The following AFAP1L2 variants were observed in gnomAD, a reference collection of about 807,000 sequenced individuals.
AFAP1L2 encodes actin filament associated protein 1 like 2, also known as actin filament-associated protein 1-like 2.
A neutral mutation model predicts 99.3 loss-of-function variants in AFAP1L2; 46 were observed. The observed-to-expected ratio is 0.46, with a 90% CI of 0.37 to 0.59. AFAP1L2 has a LOEUF of 0.59. AFAP1L2 is among the 20% of genes least tolerant of loss of function. The pLI, the probability that AFAP1L2 is intolerant of heterozygous loss-of-function variation, is 0.00. For missense variants in AFAP1L2, 959 were observed against 1,034.9 expected, an observed-to-expected ratio of 0.93 and a Z score of 1.01; for synonymous variants, 397 against 419.1, an observed-to-expected ratio of 0.95 and a Z score of 0.64.
downstream of AFAP1L2, among the ~76,000 whole-genome samples, chr10:114,293,331 ATG>A (rs2133783519): frequency 6.6e-6 from 1 of 152,326 alleles, no homozygotes; most frequent in South Asian, 2.1e-4. Context: ...CAGTTTAACC[ATG>A]TTATAATGTA....
intron 4 of AFAP1L2, among the ~76,000 whole-genome samples, chr10:114,326,606 G>T (rs938639034): frequency 6.6e-6 from 1 of 152,050 alleles, no homozygotes; most frequent in Non-Finnish European, 1.5e-5. Context: ...TTGCCTGTAG[G>T]TTGACACTGC....
chr10:114,328,804 G>A (rs2046815519), intron 4 of AFAP1L2, among the ~76,000 whole-genome samples: 2 of 152,354 alleles, frequency 1.3e-5, no homozygotes, highest in South Asian at 4.1e-4. Flanking sequence ...GCCTGAGGGA[G>A]TGAGGACATG....
At chr10:114,358,151 A>G (rs753284923) in intron 1 of AFAP1L2, among the ~76,000 whole-genome samples, 8 of 152,236 alleles carry the variant, frequency 5.3e-5, no homozygotes, top group Non-Finnish European at 1.2e-4. Flanking sequence ...GGCATAAAGT[A>G]AAGCAAAAAT....
At chr10:114,384,568 C>T (rs1238737677) in intron 1 of AFAP1L2, among the ~76,000 whole-genome samples, 1 of 152,212 alleles carries the variant, frequency 6.6e-6, no homozygotes, top group East Asian at 1.9e-4. Flanking sequence ...AACAACCTCA[C>T]TTATTTTTCC....
At chr10:114,320,545 G>A (rs2045042453) in intron 5 of AFAP1L2, among the ~76,000 whole-genome samples, 1 of 152,206 alleles carries the variant, frequency 6.6e-6, no homozygotes, top group Non-Finnish European at 1.5e-5. Context: ...TCCTTGGCAG[G>A]ACAGGCAGGG....
Position 114,348,524 on chromosome 10 carries a change from T to G in AFAP1L2, c.17-7793A>C, listed in dbSNP as rs563727422. ...GCTACATAGCATTCCATCGTGTAGA[T>G]GTAGGAAGAATCTTTATAGCCCCTC... On this transcript the variant is annotated intron_variant, in intron 1 of 18. Coordinates refer to ENST00000304129, the MANE Select transcript of AFAP1L2 (RefSeq NM_001001936.3). Among the ~76,000 whole-genome samples the G allele has an allele frequency of 1.2e-3, 181 of 152,284 alleles. 1 individual carries two copies. The highest frequency in any genetic ancestry group is 4.3e-3 in the African/African-American group (177 of 41,562).
At chr10:114,291,524 C>T (rs2039597897), downstream of AFAP1L2, 1 of 407,522 alleles carries the variant, frequency 2.5e-6, no homozygotes, top group South Asian at 3.4e-5. Context: ...CCTGCTGTGC[C>T]TTGTTGAGGC....
chr10:114,306,543 C>G (rs2042485040), intron 10 of AFAP1L2, among the ~76,000 whole-genome samples: 1 of 152,032 alleles, frequency 6.6e-6, no homozygotes, highest in South Asian at 2.1e-4. Flanking sequence ...AAATGCACAG[C>G]TACCTTCCTG....
chr10:114,315,515 C>CCA (rs1554891567), intron 6 of AFAP1L2, 45 bp downstream of exon 6: 3 of 1,603,954 alleles, frequency 1.9e-6, no homozygotes, highest in Non-Finnish European at 1.7e-6. Flanking sequence ...TGCCCCTTCC[C>CCA]CAAGGAGAGG....
At chr10:114,310,573 G>A in intron 7 of AFAP1L2, 130 bp from the exon 8 acceptor site, 1 of 811,216 alleles carries the variant, frequency 1.2e-6, no homozygotes, top group Non-Finnish European at 1.9e-6. Flanking sequence ...AATTTCCAAG[G>A]AAGAGGACCC....
chr10:114,325,457 C>T (rs1027608061), intron 4 of AFAP1L2, among the ~76,000 whole-genome samples: 5 of 152,366 alleles, frequency 3.3e-5, no homozygotes, highest in African/African-American at 1.2e-4. Context: ...AGCACCAGAT[C>T]TGGTCCTGTA....
intron 1 of AFAP1L2, among the ~76,000 whole-genome samples, chr10:114,396,231 C>T (rs567588288): frequency 6.6e-6 from 1 of 152,072 alleles, no homozygotes; most frequent in Non-Finnish European, 1.5e-5. Flanking sequence ...AGACACAGAC[C>T]CAGCTTCCCA....
At chr10:114,398,844 T>C (rs932056474) in intron 1 of AFAP1L2, 44 of 1,304,166 alleles carry the variant, frequency 3.4e-5, no homozygotes, top group Admixed American at 1.4e-4. Flanking sequence ...GACAGGCTCA[T>C]ACTCACACGC....
Position 114,308,514 on chromosome 10 carries a change from C to G in AFAP1L2, c.886G>C (p.Asp296His). 6.2e-7 allele frequency: 1 copy of G among 1,614,144 alleles called. No individual in the cohort carries two copies. The highest frequency in any genetic ancestry group is 1.1e-5 in the South Asian group (1 of 91,072). Residue 296 changes from aspartate to histidine, a missense_variant, in exon 9 of 19, where the codon GAT (aspartate) becomes CAT (histidine). Asp to His is a moderately conservative substitution (Grantham distance 81). Around this residue, in one of 2 missense-constraint regions of AFAP1L2, gnomAD observed 383 missense variants for 472.8 expected, o/e 0.81. Transcript: ENST00000304129. The part of the protein sequence containing the change: ...DAQRFNCQKP[D>H]IAEKYLSASE... Reference sequence around the variant, plus strand: ...GCCGACAGGTACTTCTCAGCTATATCTGGCTATGGACAAAAGCGACATGAA... The same window carrying G: ...GCCGACAGGTACTTCTCAGCTATATGTGGCTATGGACAAAAGCGACATGAA...
intron 10 of AFAP1L2, chr10:114,305,137 GC>G: frequency 3.5e-6 from 2 of 569,482 alleles, no homozygotes; most frequent in African/African-American, 4.3e-5. Flanking sequence ...GGACGCAGAT[GC>G]AGGAGGGGAC....
intron 1 of AFAP1L2, among the ~76,000 whole-genome samples, chr10:114,357,877 T>A (rs2051629306): frequency 6.6e-6 from 1 of 152,216 alleles, no homozygotes; most frequent in Non-Finnish European, 1.5e-5. Context: ...GGGGCTTATT[T>A]GCAGTGTGTT....
intron 1 of AFAP1L2, among the ~76,000 whole-genome samples, chr10:114,371,083 G>T (rs2054028105): frequency 1.3e-5 from 2 of 152,130 alleles, no homozygotes; most frequent in African/African-American, 4.8e-5. Context: ...GTGTCCACTG[G>T]GCCACCTACG....
intron 18 of AFAP1L2, 78 bp downstream of exon 18, chr10:114,296,900 C>A (rs2040318369): frequency 1.2e-6 from 2 of 1,610,096 alleles, no homozygotes; most frequent in Non-Finnish European, 1.7e-6. Flanking sequence ...CCACAAAGCA[C>A]CACCTGGGTC....
intron 1 of AFAP1L2, among the ~76,000 whole-genome samples, chr10:114,363,562 G>T (rs1349821659): frequency 6.6e-6 from 1 of 152,200 alleles, no homozygotes; most frequent in African/African-American, 2.4e-5. Flanking sequence ...GAGATGAGAT[G>T]AGATTTTATT....
Sources: gnomAD v4.1 joint callset for allele counts (sites outside exome capture counted in the v4.1 genomes callset) on GRCh38, gnomAD v4.1.1 for gene constraint, gnomAD v4.1.1 regional missense constraint, MANE v1.5 for transcripts, NCBI Gene and HGNC (gene_info 2026-07-23, HGNC 2026-07-21) for gene names.